Variants in CSMD1 observed in about 807,000 individuals in gnomAD.
CSMD1 encodes CUB and Sushi multiple domains 1, also known as CUB and sushi domain-containing protein 1.
CSMD1 carries 213 observed loss-of-function variants against 417.5 expected under a neutral mutation model. The ratio of observed to expected loss-of-function variants is 0.51; its 90% confidence interval spans 0.46 to 0.57. The LOEUF (loss-of-function observed/expected upper bound fraction) is 0.57. Ranked by LOEUF, CSMD1 falls within the 20% of genes least tolerant of loss-of-function variation. The pLI is 0.00. For synonymous variants in CSMD1, 2,862 were observed against 1,736.8 expected (o/e 1.65, Z -16.11); for missense variants, 6,923 against 4,529.7 (o/e 1.53, Z -15.17).
At chr8:4,726,039 G>T (rs1018737213) in intron 1 of CSMD1, among the ~76,000 whole-genome samples, 1 of 152,186 alleles carries the variant, frequency 6.6e-6, no homozygotes, top group Non-Finnish European at 1.5e-5. Flanking sequence ...TGGTCACGGT[G>T]TGAGTTCACA....
At chr8:4,317,520 T>C (rs1799002911) in intron 3 of CSMD1, among the ~76,000 whole-genome samples, 1 of 152,212 alleles carries the variant, frequency 6.6e-6, no homozygotes, top group African/African-American at 2.4e-5. Context: ...AAGTGACTTT[T>C]CTTGGCTGTT....
chr8:4,867,635 C>A (rs7833406), intron 1 of CSMD1, among the ~76,000 whole-genome samples: 151,725 of 152,144 alleles, frequency 1, 75,659 homozygotes, highest in East Asian at 1. Context: ...TATTATGTCG[C>A]AATGCCAGAT....
At chr8:3,351,330 G>T (rs1808406178) in intron 21 of CSMD1, among the ~76,000 whole-genome samples, 1 of 152,048 alleles carries the variant, frequency 6.6e-6, no homozygotes, top group Admixed American at 6.6e-5. Flanking sequence ...TACAAACTTG[G>T]CCAGGCGTGG....
chr8:4,214,193 G>A lies in CSMD1; in HGVS notation c.416-182094C>T, dbSNP rs74794104. 2.6e-3 allele frequency among the ~76,000 whole-genome samples: 392 copies of A among 152,112 alleles called. 2 individuals carry two copies. Among genetic ancestry groups the A allele is most frequent in the African/African-American group, 8.6e-3 (358 of 41,490 alleles). On this transcript the variant is annotated intron_variant, in intron 3 of 69. Transcript: ENST00000635120. ...TTTAGCACATCTTTACATAGGATACGGCTCAATAGATGGAAATTAAATGAA... is the reference window on the plus strand; with the variant it reads ...TTTAGCACATCTTTACATAGGATACAGCTCAATAGATGGAAATTAAATGAA...
chr8:4,450,862 T>G (rs573788536), intron 2 of CSMD1, among the ~76,000 whole-genome samples: 48 of 152,222 alleles, frequency 3.2e-4, no homozygotes, highest in African/African-American at 1.1e-3. Context: ...GAGGAACAAT[T>G]GTTAATATTC....
intron 2 of CSMD1, among the ~76,000 whole-genome samples, chr8:4,480,931 G>A (rs1329629488): frequency 6.6e-6 from 1 of 152,080 alleles, no homozygotes; most frequent in African/African-American, 2.4e-5. Flanking sequence ...CTTAGTGACT[G>A]GCCCTAGAAA....
chr8:3,140,151 G>A (rs1045797849), intron 41 of CSMD1, among the ~76,000 whole-genome samples: 6 of 152,092 alleles, frequency 3.9e-5, no homozygotes, highest in Non-Finnish European at 7.4e-5. Context: ...TGATCAGCCC[G>A]CCTCTGCATC....
At chr8:3,517,735 T>C (rs965009231) in intron 10 of CSMD1, among the ~76,000 whole-genome samples, 2 of 152,210 alleles carry the variant, frequency 1.3e-5, no homozygotes, top group Non-Finnish European at 2.9e-5. Context: ...CTCATAGGGC[T>C]GAGAGATTAA....
chr8:4,879,531 G>T (rs1303008866), intron 1 of CSMD1, among the ~76,000 whole-genome samples: 3 of 152,058 alleles, frequency 2.0e-5, no homozygotes, highest in Middle Eastern at 3.4e-3. Flanking sequence ...ATACATAATT[G>T]GTATTTCTTT....
chr8:3,214,272 G>A (rs1417728456), intron 30 of CSMD1, among the ~76,000 whole-genome samples: 1 of 152,122 alleles, frequency 6.6e-6, no homozygotes, highest in African/African-American at 2.4e-5. Flanking sequence ...AACTGTACGA[G>A]CGAAGGAAAA....
intron 3 of CSMD1, among the ~76,000 whole-genome samples, chr8:4,383,095 A>G (rs76515597): frequency 0.084 from 12,810 of 152,196 alleles, 695 homozygotes; most frequent in South Asian, 0.2. Context: ...CAATGCTATC[A>G]TCCTCTATTA....
chr8:4,732,693 A>T (rs993642253), intron 1 of CSMD1, among the ~76,000 whole-genome samples: 4 of 152,162 alleles, frequency 2.6e-5, no homozygotes, highest in African/African-American at 9.7e-5. Context: ...CCTTGCTCTG[A>T]CTAAGCAGAC....
rs549395307 is a variant in CSMD1 at position 4,534,374 on chromosome 8, G to A, written c.302+102968C>T. On this transcript the variant is annotated intron_variant, in intron 2 of 69. Coordinates refer to ENST00000635120, the MANE Select transcript of CSMD1 (RefSeq NM_033225.6). ...TTGCTATAAACCTCTGCCTTTGCAT[G>A]GATGGTTTATCAATTGAAACTTGTT... 2.6e-5 allele frequency among the ~76,000 whole-genome samples: 4 copies of A among 152,304 alleles called. No individual in the cohort carries two copies. The South Asian group carries it at 6.2e-4, about 24-fold the overall frequency.
At chr8:4,740,193 T>C (rs2117000455) in intron 1 of CSMD1, among the ~76,000 whole-genome samples, 1 of 152,300 alleles carries the variant, frequency 6.6e-6, no homozygotes, top group East Asian at 1.9e-4. Context: ...ACACATTATC[T>C]TATTGTTTTC....
chr8:4,251,475 G>A (rs546582735), intron 3 of CSMD1, among the ~76,000 whole-genome samples: 2 of 152,118 alleles, frequency 1.3e-5, no homozygotes, highest in Non-Finnish European at 2.9e-5. Context: ...CAGTGTTGTA[G>A]GAGCACATAT....
Position 2,963,226 on chromosome 8 carries a change from A to G in CSMD1, c.9450T>C (p.Cys3150=), listed in dbSNP as rs1240009689. The change falls in exon 60 of 70, where the codon TGT becomes TGC. Residue 3150 remains cysteine, a synonymous_variant. Coordinates refer to ENST00000635120, the MANE Select transcript of CSMD1 (RefSeq NM_033225.6). ...RGVWKGEIPQ[C]LPVFCGDPGI... ...AAATTCTGCTGTAGAACTTACGGAGACACTGGGGGATCTCTCCTTTCCACA... is the reference window on the plus strand; with the variant it reads ...AAATTCTGCTGTAGAACTTACGGAGGCACTGGGGGATCTCTCCTTTCCACA... 1 of 1,613,768 alleles carries G rather than the reference A, an allele frequency of 6.2e-7. No individual in the cohort carries two copies. Among genetic ancestry groups the G allele is most frequent in the South Asian group, 1.1e-5 (1 of 91,086 alleles).
intron 1 of CSMD1, among the ~76,000 whole-genome samples, chr8:4,830,839 T>C (rs1024116659): frequency 1.3e-5 from 2 of 152,074 alleles, no homozygotes; most frequent in African/African-American, 4.8e-5. Flanking sequence ...GAAAGAGAAA[T>C]CAGCTAAGTG....
chr8:4,304,380 T>C (rs1798136897), intron 3 of CSMD1, among the ~76,000 whole-genome samples: 1 of 152,172 alleles, frequency 6.6e-6, no homozygotes, highest in Non-Finnish European at 1.5e-5. Flanking sequence ...TGAGCTCATG[T>C]TGTAAATAGA....
chr8:3,782,616 G>A (rs2129063441), intron 5 of CSMD1, among the ~76,000 whole-genome samples: 1 of 152,270 alleles, frequency 6.6e-6, no homozygotes, highest in South Asian at 2.1e-4. Flanking sequence ...TGCACGTTGT[G>A]CACATGTACC....
Sources: allele counts gnomAD v4.1 joint callset (sites outside exome capture counted in the v4.1 genomes callset), GRCh38; gene constraint gnomAD v4.1.1; transcripts MANE v1.5; gene names NCBI Gene and HGNC (gene_info 2026-07-23, HGNC 2026-07-21).